The following ATP8B4 variants were observed in gnomAD, a reference collection of about 807,000 sequenced individuals.
The protein encoded by ATP8B4 is probable phospholipid-transporting ATPase IM.
In ATP8B4, 133 loss-of-function variants were observed where a neutral mutation model predicts 145.6. The observed-to-expected ratio is 0.91, with a 90% CI of 0.79 to 1.05. ATP8B4 has a LOEUF of 1.05. Ranked by LOEUF, ATP8B4 falls within the 50% of genes least tolerant of loss-of-function variation. ATP8B4 has a pLI of 0.00. For missense variants in ATP8B4, 1,458 were observed against 1,425.2 expected, an observed-to-expected ratio of 1.02 and a Z score of -0.37; for synonymous variants, 507 against 492.9, an observed-to-expected ratio of 1.03 and a Z score of -0.38.
intron 1 of ATP8B4, among the ~76,000 whole-genome samples, chr15:50,139,355 A>G (rs560311195): frequency 1.3e-5 from 2 of 151,992 alleles, no homozygotes; most frequent in Non-Finnish European, 2.9e-5. Context: ...CAAACACCGC[A>G]TGTTCTCACT....
chr15:49,896,318 CAGA>C lies in ATP8B4; in HGVS notation c.2697+971_2697+973del, dbSNP rs1408463335. The C allele has an allele frequency of 2.6e-5, 4 of 152,092 alleles. No individual in the cohort carries two copies. The South Asian group carries it at 8.3e-4, about 31-fold the overall frequency. 9.4% of individuals were successfully genotyped at this position (152,092 alleles called of 1,614,324 possible). A position where few individuals can be genotyped will look rare whatever the true frequency, so the allele number is the denominator to read the frequency against. On this transcript the variant is annotated intron_variant, in intron 23 of 27. Coordinates refer to ENST00000284509, the MANE Select transcript of ATP8B4 (RefSeq NM_024837.4). The stretch of plus-strand genomic sequence containing the variant: ...CTCACTTTAAGAAATCTTAACTTCC[CAGA>C]AGAAGGAAAAAATGTTGAAAATGTA...
At chr15:50,064,986 C>T (rs1410792575) in intron 3 of ATP8B4, among the ~76,000 whole-genome samples, 1 of 152,144 alleles carries the variant, frequency 6.6e-6, no homozygotes, top group Non-Finnish European at 1.5e-5. Context: ...AATCCAGTCA[C>T]CTTCTACTAT....
At chr15:50,146,014 CTT>C (rs10624735) in intron 1 of ATP8B4, among the ~76,000 whole-genome samples, 5 of 133,454 alleles carry the variant, frequency 3.7e-5, no homozygotes, top group Admixed American at 7.7e-5. Flanking sequence ...TAAATGTTTA[CTT>C]TTTTTTTTTT....
chr15:50,113,524 AC>A (rs35552081), intron 1 of ATP8B4, among the ~76,000 whole-genome samples: 20,031 of 152,120 alleles, frequency 0.13, 1,667 homozygotes, highest in Non-Finnish European at 0.19. Flanking sequence ...GTATGTGTGT[AC>A]GTATGGGTGT....
chr15:50,158,296 A>G (rs1443429198), intron 1 of ATP8B4, among the ~76,000 whole-genome samples: 13 of 146,626 alleles, frequency 8.9e-5, no homozygotes, highest in South Asian at 6.6e-4. Context: ...CCGCCATCCC[A>G]TCTAGGAAGT....
intron 18 of ATP8B4, among the ~76,000 whole-genome samples, chr15:49,919,667 T>C (rs1328714587): frequency 1.3e-5 from 2 of 152,136 alleles, no homozygotes; most frequent in Non-Finnish European, 2.9e-5. Context: ...TCCGCCCACC[T>C]CGGCCTCCTG....
In ATP8B4 at chr15:50,066,267, T is replaced by C. The variant is rs2053376696; in HGVS notation, c.87+7860A>G. ...AAACTTAGAATAACATACACAGATA[T>C]TAACAGCACACAAAACAGAAGCCAT... is the stretch of plus-strand genomic sequence containing the variant. On this transcript the variant is annotated intron_variant, in intron 3 of 27. Transcript: ENST00000284509. 2.0e-5 allele frequency among the ~76,000 whole-genome samples: 3 copies of C among 152,128 alleles called. No individual in the cohort carries two copies. In the South Asian group the frequency reaches 6.2e-4, roughly 31 times the overall value.
intron 3 of ATP8B4, among the ~76,000 whole-genome samples, chr15:50,059,506 T>C (rs1350519160): frequency 1.3e-5 from 2 of 152,182 alleles, no homozygotes; most frequent in Non-Finnish European, 2.9e-5. Context: ...ACTAGATCCT[T>C]TCCCCTGTTC....
At chr15:49,871,359 G>C (rs1234907881) in intron 25 of ATP8B4, among the ~76,000 whole-genome samples, 1 of 152,188 alleles carries the variant, frequency 6.6e-6, no homozygotes, top group Non-Finnish European at 1.5e-5. Context: ...CTTTGTTCCA[G>C]ATAACACTGG....
At chr15:50,158,531 G>T (rs1472153775) in intron 1 of ATP8B4, among the ~76,000 whole-genome samples, 2 of 151,176 alleles carry the variant, frequency 1.3e-5, no homozygotes, top group Non-Finnish European at 3.0e-5. Context: ...GAGGTGGGGG[G>T]CGCCTCTGCC....
chr15:49,930,883 T>TAACTGTA (rs1353839483), intron 16 of ATP8B4, among the ~76,000 whole-genome samples: 26 of 152,230 alleles, frequency 1.7e-4, no homozygotes, highest in African/African-American at 5.8e-4. Context: ...TATTGATACA[T>TAACTGTA]TGTACATACT....
intron 14 of ATP8B4, among the ~76,000 whole-genome samples, chr15:49,940,632 A>T (rs564535093): frequency 6.6e-6 from 1 of 152,314 alleles, no homozygotes; most frequent in African/African-American, 2.4e-5. Context: ...AAAGACTCTA[A>T]GGAGTACCAT....
At position 50,092,966 on chromosome 15, in the gene ATP8B4, A is replaced by G. The variant is rs368280044; in HGVS notation, c.28+13973T>C. ...TTTTTGAAGCAGCCACAGGAAAAAG[A>G]TATGTCATCTTCAAAAAAGTAATAA... is the stretch of plus-strand genomic sequence containing the variant. On this transcript the variant is annotated intron_variant, in intron 2 of 27. Transcript: ENST00000284509. Among the ~76,000 whole-genome samples the G allele has an allele frequency of 2.3e-4, 35 of 152,148 alleles. 1 individual carries two copies. The South Asian group carries it at 7.2e-3, about 32-fold the overall frequency.
intron 3 of ATP8B4, among the ~76,000 whole-genome samples, chr15:50,071,570 T>C: frequency 6.6e-6 from 1 of 152,248 alleles, no homozygotes; most frequent in East Asian, 1.9e-4. Context: ...TACATGTATC[T>C]AGCTCTCTGA....
chr15:50,083,980 A>G (rs772866898), intron 2 of ATP8B4, among the ~76,000 whole-genome samples: 8 of 152,176 alleles, frequency 5.3e-5, no homozygotes, highest in Non-Finnish European at 1.0e-4. Flanking sequence ...CAGGCCAGAG[A>G]GCCACAGCAA....
intron 7 of ATP8B4, among the ~76,000 whole-genome samples, chr15:50,005,594 C>T (rs925354462): frequency 6.6e-6 from 1 of 152,108 alleles, no homozygotes; most frequent in African/African-American, 2.4e-5. Context: ...TCATGTAAAG[C>T]CCATGGCCCT....
chr15:49,919,196 T>TA (rs927281034), intron 18 of ATP8B4, among the ~76,000 whole-genome samples: 53 of 152,272 alleles, frequency 3.5e-4, no homozygotes, highest in African/African-American at 1.2e-3. Context: ...AAGGGGCTGA[T>TA]ATGCTCAGAT....
chr15:50,129,618 A>T (rs1157767125), intron 1 of ATP8B4, among the ~76,000 whole-genome samples: 1 of 152,212 alleles, frequency 6.6e-6, no homozygotes, highest in African/African-American at 2.4e-5. Flanking sequence ...TTTCCAAGTA[A>T]GGCCACATTC....
rs188504868 is a variant in ATP8B4 at position 50,026,335 on chromosome 15, G to C, written c.362+12433C>G. ...GTGGTACTCAAACTTCAATGTACAT[G>C]AGAATCCCATGAAGTGCTCATTAAA... On this transcript the variant is annotated intron_variant, in intron 6 of 27. Transcript: ENST00000284509. Among the ~76,000 whole-genome samples the C allele has an allele frequency of 5.9e-5, 9 of 152,248 alleles. No individual in the cohort carries two copies. In the East Asian group the frequency reaches 1.7e-3, roughly 29 times the overall value.
Sources: allele counts gnomAD v4.1 joint callset (sites outside exome capture counted in the v4.1 genomes callset), GRCh38; gene constraint gnomAD v4.1.1; transcripts MANE v1.5; gene names NCBI Gene and HGNC (gene_info 2026-07-23, HGNC 2026-07-21).